DCC: variants seen among roughly 807,000 people sequenced by gnomAD.
DCC encodes the protein netrin receptor DCC.
DCC carries 58 observed loss-of-function variants against 172.5 expected under a neutral mutation model. The observed-to-expected ratio is 0.34, with a 90% CI of 0.27 to 0.42. DCC has a LOEUF of 0.42. Among genes scored for constraint, DCC ranks in the 10% least tolerant of loss-of-function variants. DCC has a pLI of 1.00. For synonymous variants in DCC, 709 were observed against 644.5 expected, an observed-to-expected ratio of 1.10 and a Z score of -1.52; for missense variants, 1,740 against 1,791.0, an observed-to-expected ratio of 0.97 and a Z score of 0.51.
intron 1 of DCC, among the ~76,000 whole-genome samples, chr18:52,381,627 C>T (rs1369984505): frequency 6.6e-6 from 1 of 152,130 alleles, no homozygotes; most frequent in African/African-American, 2.4e-5. Flanking sequence ...TGTCCCACCA[C>T]TGAGGGGGCT....
intron 8 of DCC, among the ~76,000 whole-genome samples, chr18:53,166,635 T>C (rs898938347): frequency 1.3e-5 from 2 of 152,174 alleles, no homozygotes; most frequent in Non-Finnish European, 2.9e-5. Flanking sequence ...GTCTCAAGTG[T>C]GTATTAGATG....
intron 1 of DCC, among the ~76,000 whole-genome samples, chr18:52,538,601 G>A (rs1380931733): frequency 1.3e-5 from 2 of 152,090 alleles, no homozygotes; most frequent in Admixed American, 1.3e-4. Flanking sequence ...CTCCAGACTG[G>A]ATACAGTTCA....
chr18:52,921,611 A>G (rs899683181), intron 3 of DCC, among the ~76,000 whole-genome samples: 1 of 151,862 alleles, frequency 6.6e-6, no homozygotes, highest in Admixed American at 6.6e-5. Flanking sequence ...AGGCAGGAGA[A>G]TCCGTTGAAC....
At chr18:52,891,046 T>C (rs943149551) in intron 2 of DCC, among the ~76,000 whole-genome samples, 1 of 152,078 alleles carries the variant, frequency 6.6e-6, no homozygotes, top group Non-Finnish European at 1.5e-5. Flanking sequence ...GTAAAATTAA[T>C]AAGAAGGCTC....
At chr18:52,793,673 G>A (rs546917867) in intron 2 of DCC, among the ~76,000 whole-genome samples, 1 of 152,110 alleles carries the variant, frequency 6.6e-6, no homozygotes, top group East Asian at 1.9e-4. Flanking sequence ...TTTTGGTTTT[G>A]TTGCCTGTAT....
intron 12 of DCC, among the ~76,000 whole-genome samples, chr18:53,253,412 A>G (rs1445530397): frequency 1.3e-5 from 2 of 152,068 alleles, no homozygotes; most frequent in African/African-American, 4.8e-5. Context: ...ACATGATTAA[A>G]TAACTTGTCC....
chr18:52,379,527 T>C (rs1000310389), intron 1 of DCC, among the ~76,000 whole-genome samples: 1 of 152,204 alleles, frequency 6.6e-6, no homozygotes, highest in African/African-American at 2.4e-5. Context: ...TTTTCAGCTA[T>C]AATTAATATT....
At chr18:53,103,478 G>C (rs2043202387) in intron 7 of DCC, among the ~76,000 whole-genome samples, 1 of 152,032 alleles carries the variant, frequency 6.6e-6, no homozygotes, top group Admixed American at 6.6e-5. Flanking sequence ...CTGGGCTCAA[G>C]TGATCCCTTT....
At chr18:52,927,261 G>A (rs1181014715) in intron 5 of DCC, among the ~76,000 whole-genome samples, 2 of 148,070 alleles carry the variant, frequency 1.4e-5, no homozygotes, top group Non-Finnish European at 3.0e-5. Flanking sequence ...ACACATATAT[G>A]CACATATATA....
intron 12 of DCC, among the ~76,000 whole-genome samples, chr18:53,291,991 T>G (rs965580036): frequency 3.4e-4 from 52 of 152,278 alleles, no homozygotes; most frequent in African/African-American, 1.2e-3. Context: ...TACTAGGCTA[T>G]GCATAGAAAA....
chr18:52,594,869 C>T (rs898070365), intron 1 of DCC, among the ~76,000 whole-genome samples: 3 of 152,206 alleles, frequency 2.0e-5, no homozygotes, highest in African/African-American at 7.2e-5. Context: ...ATACCCAAAG[C>T]ACCTTCCACC....
At chr18:52,885,017 T>C (rs1445252410) in intron 2 of DCC, among the ~76,000 whole-genome samples, 1 of 152,134 alleles carries the variant, frequency 6.6e-6, no homozygotes, top group African/African-American at 2.4e-5. Flanking sequence ...ACGAAATTTC[T>C]CTTTCTGTGC....
chr18:53,012,139 T>G (rs1052404882), intron 5 of DCC, among the ~76,000 whole-genome samples: 7 of 151,952 alleles, frequency 4.6e-5, no homozygotes, highest in Admixed American at 3.9e-4. Flanking sequence ...TTTGACAATT[T>G]CCTGTAAATA....
chr18:53,504,824 G>A (rs1481474254), intron 27 of DCC, among the ~76,000 whole-genome samples: 1 of 152,148 alleles, frequency 6.6e-6, no homozygotes, highest in Non-Finnish European at 1.5e-5. Flanking sequence ...ATTTATAAGT[G>A]ACAAAGCAGA....
In DCC at chr18:52,984,323, T is replaced by C. The variant is rs372857999; in HGVS notation, c.985+58953T>C. On this transcript the variant is annotated intron_variant, in intron 5 of 28. Coordinates refer to ENST00000442544, the MANE Select transcript of DCC (RefSeq NM_005215.4). The stretch of plus-strand genomic sequence containing the variant: ...TTAGTGTGGAAGTCCCTCCAAAGAG[T>C]GGGAGGACTTAGGTTTTCAAACTTG... Among the ~76,000 whole-genome samples the C allele has an allele frequency of 3.6e-4, 55 of 152,128 alleles. No individual in the cohort carries two copies. In the East Asian group the frequency reaches 4.4e-3, roughly 12 times the overall value.
intron 1 of DCC, among the ~76,000 whole-genome samples, chr18:52,711,908 A>G (rs1044484713): frequency 6.6e-5 from 10 of 152,128 alleles, no homozygotes; most frequent in Admixed American, 3.3e-4. Context: ...CTATGTGTAC[A>G]TTTGACTGCT....
intron 1 of DCC, among the ~76,000 whole-genome samples, chr18:52,573,473 T>C (rs527943892): frequency 3.7e-4 from 56 of 152,208 alleles, no homozygotes; most frequent in South Asian, 6.2e-4. Context: ...TTTTATTATG[T>C]TCTCACAACG....
chr18:52,650,123 A>T (rs1182888291), intron 1 of DCC, among the ~76,000 whole-genome samples: 1 of 151,676 alleles, frequency 6.6e-6, no homozygotes, highest in African/African-American at 2.4e-5. Flanking sequence ...GAATTACAGG[A>T]ATGTACCACC....
chr18:53,142,932 G>T (rs543317221), intron 7 of DCC, among the ~76,000 whole-genome samples: 1 of 151,942 alleles, frequency 6.6e-6, no homozygotes, highest in East Asian at 2.0e-4. Flanking sequence ...TCTTGAAGAG[G>T]ATTGGTCAGG....
Sources: allele counts gnomAD v4.1 joint callset (sites outside exome capture counted in the v4.1 genomes callset), GRCh38; gene constraint gnomAD v4.1.1; transcripts MANE v1.5; gene names NCBI Gene and HGNC (gene_info 2026-07-23, HGNC 2026-07-21).